The following GRK5 variants were observed in gnomAD, a reference collection of about 807,000 sequenced individuals.
GRK5 encodes the protein g protein-coupled receptor kinase GRK5.
GRK5 carries 40 observed loss-of-function variants against 78.4 expected under a neutral mutation model. The observed-to-expected ratio is 0.51, with a 90% CI of 0.40 to 0.66. GRK5 has a LOEUF of 0.66. Among genes scored for constraint, GRK5 ranks in the 30% least tolerant of loss-of-function variants. The pLI is 0.00. For missense variants in GRK5, 598 were observed against 759.9 expected, an observed-to-expected ratio of 0.79 and a Z score of 2.50; for synonymous variants, 289 against 296.8, an observed-to-expected ratio of 0.97 and a Z score of 0.27.
chr10:119,210,550 A>G (rs1589680150), intron 1 of GRK5, among the ~76,000 whole-genome samples: 1 of 152,248 alleles, frequency 6.6e-6, no homozygotes, highest in African/African-American at 2.4e-5. Flanking sequence ...CTAAATATTC[A>G]GAAATGAAAT....
rs567725026 is a variant in GRK5, at chr10:119,220,162, G to C, written c.52+12193G>C. ...TCTCTGAAGAGGAAGAGGCCAACAT[G>C]ATGAGGCTTTATGGATGGTGCCAAG... On this transcript the variant is annotated intron_variant, in intron 1 of 15. Transcript: ENST00000392870. Among the ~76,000 whole-genome samples the C allele has an allele frequency of 1.1e-4, 16 of 152,318 alleles. No individual in the cohort carries two copies. In the East Asian group the frequency reaches 3.1e-3, roughly 29 times the overall value.
chr10:119,419,832 A>G (rs573171563), intron 4 of GRK5, among the ~76,000 whole-genome samples: 14 of 152,294 alleles, frequency 9.2e-5, no homozygotes, highest in African/African-American at 3.4e-4. Flanking sequence ...CCAGCTCACA[A>G]TGACCCCTCC....
intron 1 of GRK5, among the ~76,000 whole-genome samples, chr10:119,252,122 G>C (rs1849213935): frequency 6.6e-6 from 1 of 152,182 alleles, no homozygotes; most frequent in African/African-American, 2.4e-5. Context: ...CCTGCGTGGC[G>C]TGCTCGTGCC....
At chr10:119,391,227 G>A (rs1238913978) in intron 3 of GRK5, among the ~76,000 whole-genome samples, 1 of 152,244 alleles carries the variant, frequency 6.6e-6, no homozygotes, top group African/African-American at 2.4e-5. Context: ...ATGGGAGCCG[G>A]AGCCAGAGAC....
rs1264897736 is a variant in GRK5, at chr10:119,430,749, G to A, written c.597+311G>A. On this transcript the variant is annotated intron_variant, in intron 7 of 15. Coordinates refer to ENST00000392870, the MANE Select transcript of GRK5 (RefSeq NM_005308.3). This position sits in a 1 kb window ranked among gnomAD's most constrained non-coding sequence, Gnocchi z 4.5. ...GTGTGTGGGGAGGAGATGTGAGGGCGTGAGGAGGCTGGGCAACCTTGGCCA... is the reference window on the plus strand; with the variant it reads ...GTGTGTGGGGAGGAGATGTGAGGGCATGAGGAGGCTGGGCAACCTTGGCCA... 6.6e-6 allele frequency among the ~76,000 whole-genome samples: 1 copy of A among 152,138 alleles called. No individual in the cohort carries two copies. The highest frequency in any genetic ancestry group is 6.5e-5 in the Admixed American group (1 of 15,282).
Position 119,347,211 on chromosome 10 carries a change from T to C in GRK5, c.148+20600T>C, listed in dbSNP as rs549942972. Among the ~76,000 whole-genome samples the C allele has an allele frequency of 1.1e-4, 16 of 152,284 alleles. No homozygotes were observed. In the East Asian group the frequency reaches 3.1e-3, roughly 29 times the overall value. ...AGGCCTTCATGAAACACCACAGTAT[T>C]TCATGTATGTGTGTGTGTGCAGTGT... is the stretch of plus-strand genomic sequence containing the variant. On this transcript the variant is annotated intron_variant, in intron 2 of 15. Coordinates refer to ENST00000392870, the MANE Select transcript of GRK5 (RefSeq NM_005308.3).
chr10:119,384,448 C>T (rs866750468), intron 3 of GRK5, among the ~76,000 whole-genome samples: 4 of 152,192 alleles, frequency 2.6e-5, no homozygotes, highest in Non-Finnish European at 4.4e-5. Flanking sequence ...TTTAACCCCT[C>T]GTGTACTTCG....
chr10:119,209,323 C>T (rs1423729717), intron 1 of GRK5, among the ~76,000 whole-genome samples: 1 of 152,104 alleles, frequency 6.6e-6, no homozygotes, highest in Non-Finnish European at 1.5e-5. Context: ...AGGTTTATTT[C>T]AGAAGCCCCG....
chr10:119,369,216 A>G (rs1352782681), intron 2 of GRK5, among the ~76,000 whole-genome samples: 1 of 152,204 alleles, frequency 6.6e-6, no homozygotes, highest in African/African-American at 2.4e-5. Flanking sequence ...CTAAAACTGC[A>G]TGTATCTGGA....
In GRK5 at chr10:119,457,348, C is replaced by T. The variant is rs1853415020; in HGVS notation, c.*2281C>T. ...CCTGTCCGTTTGCAGTAGAGAATCC[C>T]CAGGGAGCAAGAAAGATGACAGAAG... On this transcript the variant is annotated 3_prime_UTR_variant, in exon 16 of 16. Transcript: ENST00000392870. 6.6e-6 allele frequency: 1 copy of T among 152,158 alleles called. No homozygotes were observed. Among genetic ancestry groups the T allele is most frequent in the Non-Finnish European group, 1.5e-5 (1 of 68,070 alleles). 9.4% of individuals were successfully genotyped at this position (152,158 alleles called of 1,614,324 possible).
intron 2 of GRK5, among the ~76,000 whole-genome samples, chr10:119,331,365 G>A (rs1054730782): frequency 1.3e-5 from 2 of 152,252 alleles, no homozygotes; most frequent in African/African-American, 2.4e-5. Flanking sequence ...TCGTGGCCAC[G>A]GGGCCAGGGT....
intron 2 of GRK5, among the ~76,000 whole-genome samples, chr10:119,344,646 A>G (rs1851047304): frequency 1.3e-5 from 2 of 152,162 alleles, no homozygotes; most frequent in Admixed American, 6.5e-5. Context: ...GGAAGGTGGC[A>G]GATGGGCATG....
chr10:119,219,176 C>T (rs1848625098), intron 1 of GRK5, among the ~76,000 whole-genome samples: 1 of 152,158 alleles, frequency 6.6e-6, no homozygotes, highest in African/African-American at 2.4e-5. Context: ...GCTTGAGCCA[C>T]CATGCCCGGC....
chr10:119,288,913 A>C (rs888416063), intron 1 of GRK5, among the ~76,000 whole-genome samples: 1 of 152,202 alleles, frequency 6.6e-6, no homozygotes, highest in Non-Finnish European at 1.5e-5. Context: ...TCTGTAAGCC[A>C]GGCTTTCCAA....
rs149640910 is a variant in GRK5 at position 119,405,460 on chromosome 10, G to A, written c.339+8688G>A. 9.1e-4 allele frequency among the ~76,000 whole-genome samples: 138 copies of A among 151,434 alleles called. 1 individual carries two copies. The East Asian group carries it at 0.018, about 20-fold the overall frequency. On this transcript the variant is annotated intron_variant, in intron 4 of 15. Coordinates refer to ENST00000392870, the MANE Select transcript of GRK5 (RefSeq NM_005308.3). Reference sequence around the variant, plus strand: ...GTTTCCACACAAACGAAATCTATTCGTAGTGCTTGTTGGGCTCTCTGGAAA... The same window carrying A: ...GTTTCCACACAAACGAAATCTATTCATAGTGCTTGTTGGGCTCTCTGGAAA...
chr10:119,454,446 C>G (rs1435285684), intron 15 of GRK5, among the ~76,000 whole-genome samples: 1 of 152,214 alleles, frequency 6.6e-6, no homozygotes, highest in East Asian at 1.9e-4. Flanking sequence ...CCTCCCTCCT[C>G]CTCCCCTCTG....
At chr10:119,441,617 G>A (rs185587379) in intron 10 of GRK5, among the ~76,000 whole-genome samples, 2 of 152,332 alleles carry the variant, frequency 1.3e-5, no homozygotes, top group Non-Finnish European at 2.9e-5. Flanking sequence ...TTCCCCTTAA[G>A]CAAATTGTTG....
intron 5 of GRK5, among the ~76,000 whole-genome samples, chr10:119,423,687 G>A (rs779204171): frequency 2.0e-4 from 31 of 152,118 alleles, no homozygotes; most frequent in Admixed American, 2.6e-4. Context: ...GACACAAGTC[G>A]ATGGCCATGC....
chr10:119,381,575 G>A (rs370339722), intron 3 of GRK5, among the ~76,000 whole-genome samples: 13 of 152,246 alleles, frequency 8.5e-5, no homozygotes, highest in East Asian at 7.7e-4. Context: ...CTGATTGATT[G>A]CATGGGCTTT....
Sources: allele counts gnomAD v4.1 joint callset (sites outside exome capture counted in the v4.1 genomes callset), GRCh38; gene constraint gnomAD v4.1.1; non-coding constraint Gnocchi (gnomAD v3.1); transcripts MANE v1.5; gene names NCBI Gene and HGNC (gene_info 2026-07-23, HGNC 2026-07-21).